S100A8: variants seen among roughly 807,000 people sequenced by gnomAD.
S100A8 encodes S100 calcium binding protein A8.
S100A8 carries 1 observed loss-of-function variant against 4.2 expected under a neutral mutation model. The ratio of observed to expected loss-of-function variants is 0.24; its 90% CI spans 0.08 to 1.12. S100A8 has a LOEUF of 1.12. S100A8 is among the 50% of genes most tolerant of loss of function. The probability of loss-of-function intolerance (pLI) is 0.53; values close to 1 mark genes in which losing one functional copy is unlikely to be tolerated. For synonymous variants in S100A8, 41 were observed against 44.7 expected, an observed-to-expected ratio of 0.92 and a Z score of 0.33; for missense variants, 96 against 111.8, an observed-to-expected ratio of 0.86 and a Z score of 0.64.
At chr1:153,415,911 G>C in the S100A8 span, among the ~76,000 whole-genome samples, 18 of 152,358 alleles carry the variant, frequency 1.2e-4, no homozygotes, top group South Asian at 3.7e-3. Flanking sequence ...GGGGATAAGA[G>C]TAAGGATTTG....
At chr1:153,391,617 T>C (rs781472952), upstream of S100A8, among the ~76,000 whole-genome samples, 8 of 152,154 alleles carry the variant, frequency 5.3e-5, no homozygotes, top group Non-Finnish European at 1.0e-4. Context: ...ATCGTTGTTG[T>C]TCTTTTGGGT....
chr1:153,415,779 C>T, the S100A8 span, among the ~76,000 whole-genome samples: 1 of 152,128 alleles, frequency 6.6e-6, no homozygotes, highest in East Asian at 1.9e-4. Context: ...AGTCCCCCCA[C>T]CTAAATCCAG....
chr1:153,419,116 T>C, the S100A8 span: 1 of 1,608,560 alleles, frequency 6.2e-7, no homozygotes. Context: ...GATTGAATTT[T>C]TCTATTTTGT....
At chr1:153,398,373 C>T in the S100A8 span, among the ~76,000 whole-genome samples, 1 of 152,196 alleles carries the variant, frequency 6.6e-6, no homozygotes, top group African/African-American at 2.4e-5. Flanking sequence ...AACCCCACCC[C>T]ACCCTACTCC....
At chr1:153,410,165 C>T in the S100A8 span, among the ~76,000 whole-genome samples, 2 of 151,990 alleles carry the variant, frequency 1.3e-5, no homozygotes, top group Admixed American at 6.6e-5. Flanking sequence ...CACAAAAAAC[C>T]CTTCAAAAAA....
chr1:153,419,656 G>T, the S100A8 span: 1 of 292,778 alleles, frequency 3.4e-6, no homozygotes, highest in Non-Finnish European at 6.4e-6. Context: ...TCCTTGTCAA[G>T]GCATGGACCA....
At chr1:153,402,164 G>A in the S100A8 span, among the ~76,000 whole-genome samples, 2 of 152,208 alleles carry the variant, frequency 1.3e-5, no homozygotes, top group Non-Finnish European at 2.9e-5. Context: ...TGGAGAGTGA[G>A]AAGATGATTA....
the S100A8 span, chr1:153,419,510 A>C: frequency 1.6e-6 from 1 of 624,964 alleles, no homozygotes; most frequent in African/African-American, 1.8e-5. Flanking sequence ...CGTTCCCCCT[A>C]TGGCCTCCAG....
At chr1:153,398,240 A>G in the S100A8 span, among the ~76,000 whole-genome samples, 1 of 152,150 alleles carries the variant, frequency 6.6e-6, no homozygotes, top group South Asian at 2.1e-4. Flanking sequence ...TCATGGGTCT[A>G]CGTTTGATGA....
At chr1:153,394,874 A>G (rs1662179302), upstream of S100A8, among the ~76,000 whole-genome samples, 1 of 151,894 alleles carries the variant, frequency 6.6e-6, no homozygotes, top group Non-Finnish European at 1.5e-5. Flanking sequence ...CAGGTGGTAT[A>G]TCACCCCCCA....
At chr1:153,390,361 CAG>C in intron 2 of S100A8, 32 bp downstream of exon 2, 1 of 1,610,760 alleles carries the variant, frequency 6.2e-7, no homozygotes. Flanking sequence ...CAGGACCAGG[CAG>C]AGAGCCCCCG....
chr1:153,391,988 A>G (rs1452539952), upstream of S100A8, among the ~76,000 whole-genome samples: 2 of 152,146 alleles, frequency 1.3e-5, no homozygotes, highest in African/African-American at 4.8e-5. Context: ...AGGAGGAACA[A>G]ATCCTCTCCC....
the S100A8 span, chr1:153,421,912 T>C: frequency 2.0e-5 from 3 of 152,254 alleles, no homozygotes; most frequent in African/African-American, 4.8e-5. Context: ...GTTTTAGAAA[T>C]CACCTTCTCA....
At chr1:153,418,468 G>C in the S100A8 span, among the ~76,000 whole-genome samples, 1 of 152,176 alleles carries the variant, frequency 6.6e-6, no homozygotes, top group Non-Finnish European at 1.5e-5. Context: ...TGCAGCTTGA[G>C]GACAGTGCAC....
At chr1:153,404,185 G>A in the S100A8 span, among the ~76,000 whole-genome samples, 21,818 of 152,076 alleles carry the variant, frequency 0.14, 1,766 homozygotes, top group African/African-American at 0.23. Context: ...CCACCCTTCC[G>A]GCACCCCACC....
upstream of S100A8, among the ~76,000 whole-genome samples, chr1:153,391,556 G>A (rs1218692645): frequency 6.6e-6 from 1 of 152,212 alleles, no homozygotes; most frequent in African/African-American, 2.4e-5. Flanking sequence ...TGTCCTGGCT[G>A]ATGGCTTTTA....
At chr1:153,421,347 C>T in the S100A8 span, 1 of 152,182 alleles carries the variant, frequency 6.6e-6, no homozygotes, top group Non-Finnish European at 1.5e-5. Context: ...ATAGTGGCTA[C>T]ATTACTTCAG....
At chr1:153,408,206 G>A in the S100A8 span, among the ~76,000 whole-genome samples, 14 of 152,214 alleles carry the variant, frequency 9.2e-5, no homozygotes, top group East Asian at 2.1e-3. Flanking sequence ...CAAACCCATC[G>A]CAAAGAAGCT....
At position 153,390,419 on chromosome 1, in the gene S100A8, C is replaced by A; in HGVS notation, c.117G>T (p.Glu39Asp). The change falls in exon 2 of 3, where the codon GAG becomes GAT. Residue 39 changes from glutamate to aspartate, a missense_variant. Physicochemically the swap from Glu to Asp is conservative, Grantham distance 45 (BLOSUM62 2). Coordinates refer to ENST00000368733, the MANE Select transcript of S100A8 (RefSeq NM_002964.5). ...CCCTGATATACTGAGGACACTCGGT[C>A]TCTAGCAATTTCTTCAGGTCATCCC... ...VYRDDLKKLLETECPQYIRKK... is the reference protein window; with the variant it reads ...VYRDDLKKLLDTECPQYIRKK... 1 of 1,614,174 alleles carries A rather than the reference C, an allele frequency of 6.2e-7. No homozygotes were observed. Among genetic ancestry groups the A allele is most frequent in the Non-Finnish European group, 8.5e-7 (1 of 1,180,028 alleles).
Sources: gnomAD v4.1 joint callset for allele counts (sites outside exome capture counted in the v4.1 genomes callset) on GRCh38, gnomAD v4.1.1 for gene constraint, MANE v1.5 for transcripts, NCBI Gene and HGNC (gene_info 2026-07-23, HGNC 2026-07-21) for gene names.